The following PCNX1 variants were observed in gnomAD, a reference collection of about 807,000 sequenced individuals.
PCNX1 encodes the protein pecanex-like protein 1.
Under a neutral mutation model 242.2 loss-of-function variants are expected in PCNX1, and 78 were observed. The ratio of observed to expected loss-of-function variants is 0.32; its 90% CI spans 0.27 to 0.39. The LOEUF (loss-of-function observed/expected upper bound fraction) is 0.39, where lower values mean the gene tolerates loss of function less well. Ranked by LOEUF, PCNX1 falls within the 10% of genes least tolerant of loss-of-function variation. PCNX1 has a pLI of 1.00. For synonymous variants in PCNX1, 1,024 were observed against 1,032.9 expected, an observed-to-expected ratio of 0.99 and a Z score of 0.17; for missense variants, 2,581 against 2,856.5, an observed-to-expected ratio of 0.90 and a Z score of 2.20.
chr14:70,940,240 T>A lies in PCNX1; in HGVS notation c.154-6675T>A, dbSNP rs182595011. Among the ~76,000 whole-genome samples the A allele has an allele frequency of 5.0e-3, 757 of 152,336 alleles. 2 individuals carry two copies. The highest frequency in any genetic ancestry group is 8.7e-3 in the Non-Finnish European group (594 of 68,032). On this transcript the variant is annotated intron_variant, in intron 1 of 35. Coordinates refer to ENST00000304743, the MANE Select transcript of PCNX1 (RefSeq NM_014982.3). ...TTCCTAGCATCAATGGTCTTTACAA[T>A]TTGGCATGTTTTTGCAGTGGTTGCT... is the stretch of plus-strand genomic sequence containing the variant.
In PCNX1 at chr14:70,971,629, C is replaced by T. The variant is rs1201250428; in HGVS notation, c.604+2519C>T. Among the ~76,000 whole-genome samples, 7 of 152,170 alleles carry T rather than the reference C, an allele frequency of 4.6e-5. No individual in the cohort carries two copies. The East Asian group carries it at 7.7e-4, about 17-fold the overall frequency. On this transcript the variant is annotated intron_variant, in intron 5 of 35. Coordinates refer to ENST00000304743, the MANE Select transcript of PCNX1 (RefSeq NM_014982.3). ...ATGGAATCATACTGGTAGCAATCAA[C>T]ATATACTGTAGTAAGTAGAGACAGA...
intron 30 of PCNX1, among the ~76,000 whole-genome samples, chr14:71,091,503 T>G (rs1173220388): frequency 6.6e-6 from 1 of 152,212 alleles, no homozygotes; most frequent in Admixed American, 6.5e-5. Context: ...GTAAATGTAT[T>G]GGAAACTTTT....
chr14:71,000,518 G>A (rs1346087927), intron 8 of PCNX1, among the ~76,000 whole-genome samples: 1 of 147,838 alleles, frequency 6.8e-6, no homozygotes, highest in Non-Finnish European at 1.5e-5. Flanking sequence ...GTTATTAGCT[G>A]TCCCTTGATT....
intron 2 of PCNX1, among the ~76,000 whole-genome samples, chr14:70,948,409 C>T (rs553384088): frequency 2.6e-5 from 4 of 152,142 alleles, no homozygotes; most frequent in South Asian, 2.1e-4. Flanking sequence ...AAAGAACCTA[C>T]GTTGAAATAT....
chr14:70,918,671 C>T (rs1381912528), intron 1 of PCNX1, among the ~76,000 whole-genome samples: 2 of 152,172 alleles, frequency 1.3e-5, no homozygotes, highest in African/African-American at 4.8e-5. Context: ...CACCATAAAG[C>T]TAAGCACAAC....
chr14:71,036,664 A>G (rs920985253), intron 19 of PCNX1, among the ~76,000 whole-genome samples: 11 of 152,310 alleles, frequency 7.2e-5, no homozygotes, highest in Middle Eastern at 3.4e-3. Flanking sequence ...CGATGATGAC[A>G]TTGCCTAAAC....
At position 70,968,234 on chromosome 14, in the gene PCNX1, A is replaced by T; in HGVS notation, c.505A>T (p.Thr169Ser). The change falls in exon 4 of 36, where the codon ACT becomes TCT. Residue 169 changes from threonine to serine, a missense_variant. Physicochemically the swap from Thr to Ser is moderately conservative, Grantham distance 58. This residue lies in a region of PCNX1 where 1,204 missense variants were observed against 1,216.7 expected (regional missense o/e 0.99). Coordinates refer to ENST00000304743, the MANE Select transcript of PCNX1 (RefSeq NM_014982.3). Reference sequence around the variant, plus strand: ...TTCCTCGCGTCTTGGAACAGCAGCAACTATTAAAGGTAGGTGTGATCTAAC... The same window carrying T: ...TTCCTCGCGTCTTGGAACAGCAGCATCTATTAAAGGTAGGTGTGATCTAAC... Reference protein sequence around the residue: ...SGSSRLGTAATIKGDTDTAKT... With the variant: ...SGSSRLGTAASIKGDTDTAKT... The T allele has an allele frequency of 6.2e-7, 1 of 1,612,850 alleles. No individual in the cohort carries two copies. Among genetic ancestry groups the T allele is most frequent in the Non-Finnish European group, 8.5e-7 (1 of 1,178,932 alleles).
chr14:71,081,455 C>T (rs2061852392), intron 28 of PCNX1, among the ~76,000 whole-genome samples: 2 of 152,216 alleles, frequency 1.3e-5, no homozygotes, highest in Admixed American at 1.3e-4. Context: ...ACCAGCTCTT[C>T]TTCGTACCTC....
At chr14:71,047,303 ATCTCAT>A (rs2060890835) in intron 21 of PCNX1, among the ~76,000 whole-genome samples, 198 bp downstream of exon 21, 1 of 152,126 alleles carries the variant, frequency 6.6e-6, no homozygotes, top group Non-Finnish European at 1.5e-5. Flanking sequence ...TACTCCAGAC[ATCTCAT>A]TGTCAATTGA....
rs2060882571 is a variant in PCNX1 at position 71,047,109 on chromosome 14, A to T, written c.4160+4A>T. 5 of 1,557,998 alleles carry T rather than the reference A, an allele frequency of 3.2e-6. No individual in the cohort carries two copies. The African/African-American group carries it at 5.5e-5, about 17-fold the overall frequency. On this transcript the variant is annotated splice_donor_region_variant and intron_variant, in intron 21 of 35. Coordinates refer to ENST00000304743, the MANE Select transcript of PCNX1 (RefSeq NM_014982.3). ...GTCCAAAGAAACTGAATACAGAGTA[A>T]GTATAGTAGTCTTCTAATATTGTCT...
chr14:70,997,508 A>G (rs1251336614), intron 8 of PCNX1, among the ~76,000 whole-genome samples: 1 of 152,164 alleles, frequency 6.6e-6, no homozygotes, highest in East Asian at 1.9e-4. Context: ...AAATACTTAC[A>G]TATGAACTGC....
chr14:70,942,113 C>G, intron 1 of PCNX1, among the ~76,000 whole-genome samples: 1 of 152,060 alleles, frequency 6.6e-6, no homozygotes, highest in Non-Finnish European at 1.5e-5. Context: ...CTTTGGCTTA[C>G]ACTCTGTGGG....
At chr14:71,087,135 T>C (rs921910006) in intron 28 of PCNX1, among the ~76,000 whole-genome samples, 16 of 152,212 alleles carry the variant, frequency 1.1e-4, no homozygotes, top group African/African-American at 3.9e-4. Context: ...ATTTTTTCTT[T>C]ATACAACTTC....
chr14:71,007,856 A>T (rs951817708), intron 8 of PCNX1, among the ~76,000 whole-genome samples: 2 of 152,116 alleles, frequency 1.3e-5, no homozygotes, highest in African/African-American at 4.8e-5. Context: ...TCAGTGATAC[A>T]TCTATGAAGT....
At chr14:70,939,812 C>T (rs2057160052) in intron 1 of PCNX1, among the ~76,000 whole-genome samples, 1 of 152,108 alleles carries the variant, frequency 6.6e-6, no homozygotes, top group East Asian at 1.9e-4. Context: ...TCCGGGTGCT[C>T]CTGTATTGGG....
intron 8 of PCNX1, among the ~76,000 whole-genome samples, chr14:71,001,029 G>A (rs188635433): frequency 6.6e-6 from 1 of 152,212 alleles, no homozygotes; most frequent in African/African-American, 2.4e-5. Context: ...AAAAATAATG[G>A]CTACTTCATA....
chr14:70,941,768 G>A (rs545301558), intron 1 of PCNX1, among the ~76,000 whole-genome samples: 5 of 152,326 alleles, frequency 3.3e-5, no homozygotes, highest in African/African-American at 9.6e-5. Flanking sequence ...TTGAGCTGCG[G>A]TGAGCTTCAC....
chr14:70,916,166 C>G (rs1331217042), intron 1 of PCNX1, among the ~76,000 whole-genome samples: 1 of 152,124 alleles, frequency 6.6e-6, no homozygotes, highest in African/African-American at 2.4e-5. Flanking sequence ...AGTGAACTAT[C>G]AAGGGATGGT....
At chr14:71,025,590 C>G in intron 13 of PCNX1, among the ~76,000 whole-genome samples, 1 of 151,944 alleles carries the variant, frequency 6.6e-6, no homozygotes, top group Admixed American at 6.6e-5. Flanking sequence ...TATATATTAC[C>G]CATTCCTATA....
Sources: allele counts gnomAD v4.1 joint callset (sites outside exome capture counted in the v4.1 genomes callset), GRCh38; gene constraint gnomAD v4.1.1; regional missense constraint gnomAD v4.1.1; transcripts MANE v1.5; gene names NCBI Gene and HGNC (gene_info 2026-07-23, HGNC 2026-07-21).